Variants in DNAH3 observed in about 807,000 individuals in gnomAD.
DNAH3 encodes the protein dynein axonemal heavy chain 3, also known as axonemal beta dynein heavy chain 3.
In DNAH3, 332 loss-of-function variants were observed where a neutral mutation model predicts 432.5. The ratio of observed to expected loss-of-function variants is 0.77; its 90% CI spans 0.70 to 0.84. The LOEUF is 0.84. Among genes scored for constraint, DNAH3 ranks in the 40% least tolerant of loss-of-function variants. The pLI, the probability that DNAH3 is intolerant of heterozygous loss-of-function variation, is 0.00. For synonymous variants in DNAH3, 1,956 were observed against 1,900.2 expected, an observed-to-expected ratio of 1.03 and a Z score of -0.76; for missense variants, 4,861 against 5,114.0, an observed-to-expected ratio of 0.95 and a Z score of 1.51.
At chr16:20,992,562 G>A (rs548328835) in intron 44 of DNAH3, among the ~76,000 whole-genome samples, 3 of 152,238 alleles carry the variant, frequency 2.0e-5, no homozygotes, top group East Asian at 1.9e-4. Flanking sequence ...TAGCCAGGTC[G>A]ATCTCCTGAC....
chr16:21,023,248 G>A (rs972613942), intron 39 of DNAH3, among the ~76,000 whole-genome samples: 1 of 152,126 alleles, frequency 6.6e-6, no homozygotes, highest in African/African-American at 2.4e-5. Context: ...TATTTATTGA[G>A]CATCTACTAA....
exon 48 of DNAH3, chr16:20,985,202 C>A (rs375770492): frequency 6.2e-7 from 1 of 1,614,174 alleles, no homozygotes; most frequent in Non-Finnish European, 8.5e-7. Context: ...ATGTTAGGCA[C>A]GTCACCTGTG....
chr16:21,087,127 C>T, intron 18 of DNAH3, 67 bp from the exon 19 acceptor site: 12 of 1,333,794 alleles, frequency 9.0e-6, no homozygotes, highest in Middle Eastern at 2.5e-4. Context: ...ACCTTTAATT[C>T]CCTGAACTTA....
At chr16:21,047,464 G>C (rs2089756638) in intron 31 of DNAH3, among the ~76,000 whole-genome samples, 1 of 151,982 alleles carries the variant, frequency 6.6e-6, no homozygotes, top group Admixed American at 6.6e-5. Flanking sequence ...CCAGTTGATC[G>C]CACCGGCTCC....
chr16:21,146,095 G>T lies in DNAH3; in HGVS notation c.118-7C>A. 1 of 1,601,308 alleles carries T rather than the reference G, an allele frequency of 6.2e-7. No individual in the cohort carries two copies. The highest frequency in any genetic ancestry group is 8.6e-7 in the Non-Finnish European group (1 of 1,168,458). On this transcript the variant is annotated splice_polypyrimidine_tract_variant and splice_region_variant and intron_variant, in intron 1 of 61. Transcript: ENST00000261383. ...TGGAGTCACTTTTGGCGATCTGTGG[G>T]ACATGGGAACAAAGTCACCCTTCAA...
chr16:20,937,638 C>T (rs1044347979), intron 59 of DNAH3, among the ~76,000 whole-genome samples: 9 of 151,014 alleles, frequency 6.0e-5, no homozygotes, highest in Non-Finnish European at 1.5e-5. Flanking sequence ...AAGGAATCCT[C>T]CCACCTCAGT....
At chr16:20,985,613 C>T (rs2086153316) in exon 48 of DNAH3, 13 of 1,614,038 alleles carry the variant, frequency 8.1e-6, no homozygotes, top group South Asian at 5.5e-5. Flanking sequence ...GTGATCTCAT[C>T]GTAGATTTTT....
rs540297886 is a variant in DNAH3 at position 20,965,445 on chromosome 16, G to A, written c.8459-20C>T. The A allele has an allele frequency of 8.0e-6, 12 of 1,499,082 alleles. No homozygotes were observed. The Admixed American group carries it at 1.1e-4, about 14-fold the overall frequency. The allele number at this position is 1,499,082 out of a possible 1,614,324, so 92.9% of individuals were successfully genotyped here. A position where few individuals can be genotyped will look rare whatever the true frequency, so the allele number is the denominator to read the frequency against. On this transcript the variant is annotated intron_variant, in intron 52 of 61. Transcript: ENST00000261383. ...TCTTACCTATTTGGAACAAGAAACA[G>A]AGATAATGTGTTAAGACATTCTGGC...
At chr16:20,958,732 A>T (rs994943959) in intron 54 of DNAH3, among the ~76,000 whole-genome samples, 1 of 152,032 alleles carries the variant, frequency 6.6e-6, no homozygotes, top group African/African-American at 2.4e-5. Flanking sequence ...TGGTATCAAC[A>T]TTATTCATCT....
intron 55 of DNAH3, among the ~76,000 whole-genome samples, chr16:20,954,545 C>T (rs1393088241): frequency 6.6e-6 from 1 of 152,014 alleles, no homozygotes; most frequent in Non-Finnish European, 1.5e-5. Context: ...CTCCCTTGGC[C>T]TCCCTAAGTG....
intron 18 of DNAH3, among the ~76,000 whole-genome samples, chr16:21,090,078 A>T (rs190463213): frequency 6.0e-4 from 91 of 151,994 alleles, no homozygotes; most frequent in African/African-American, 1.7e-3. Context: ...ATTTTTTTTT[A>T]AAATGAAGCC....
intron 38 of DNAH3, among the ~76,000 whole-genome samples, chr16:21,025,739 G>GTTGT (rs1567658044): frequency 3.3e-5 from 5 of 151,674 alleles, no homozygotes; most frequent in African/African-American, 1.2e-4. Context: ...TGTTGTTGTT[G>GTTGT]TTGTTTGTTT....
chr16:21,075,393 T>C, intron 21 of DNAH3, 54 bp downstream of exon 21: 1 of 1,183,888 alleles, frequency 8.4e-7, no homozygotes, highest in Non-Finnish European at 1.3e-6. Context: ...TGTAATCTAT[T>C]GCATAATAAA....
chr16:21,094,767 CCCA>C (rs2091631905), intron 18 of DNAH3, among the ~76,000 whole-genome samples: 1 of 151,922 alleles, frequency 6.6e-6, no homozygotes. Flanking sequence ...TCCCATAATC[CCCA>C]CATGTTGTGG....
intron 15 of DNAH3, among the ~76,000 whole-genome samples, chr16:21,105,133 G>T (rs1214055500): frequency 6.6e-6 from 1 of 152,140 alleles, no homozygotes; most frequent in Non-Finnish European, 1.5e-5. Context: ...AGCCCACAGT[G>T]AGAGTCCACG....
chr16:21,154,928 C>T (rs74012119), intron 1 of DNAH3, among the ~76,000 whole-genome samples: 1 of 151,138 alleles, frequency 6.6e-6, no homozygotes, highest in African/African-American at 2.4e-5. Flanking sequence ...CTTCAAGTTT[C>T]TCAATCTTCT....
intron 14 of DNAH3, among the ~76,000 whole-genome samples, chr16:21,108,637 G>C (rs933714721): frequency 5.3e-5 from 8 of 152,258 alleles, no homozygotes; most frequent in Admixed American, 5.2e-4. Flanking sequence ...CAGCTACTTC[G>C]GGGGCTGAGG....
Position 21,090,793 on chromosome 16 carries a change from C to A in DNAH3, c.2666-3733G>T, listed in dbSNP as rs138446479. 1.3e-3 allele frequency among the ~76,000 whole-genome samples: 200 copies of A among 152,242 alleles called. 1 individual carries two copies. The highest frequency in any genetic ancestry group is 2.1e-3 in the Non-Finnish European group (145 of 68,024). On this transcript the variant is annotated intron_variant, in intron 18 of 61. Transcript: ENST00000261383. ...GATGTTGATGAAGGGTACAAAGTTT[C>A]AGTTATACTGGAGAAATAAATTTTA... is the stretch of plus-strand genomic sequence containing the variant.
chr16:20,954,240 T>A (rs1596933442), intron 55 of DNAH3, among the ~76,000 whole-genome samples: 1 of 144,540 alleles, frequency 6.9e-6, no homozygotes. Flanking sequence ...AAAAAAAAAA[T>A]TCGTTGTATG....
Sources: allele counts gnomAD v4.1 joint callset (sites outside exome capture counted in the v4.1 genomes callset), GRCh38; gene constraint gnomAD v4.1.1; transcripts MANE v1.5; gene names NCBI Gene and HGNC (gene_info 2026-07-23, HGNC 2026-07-21).